UNC5D: variants seen among roughly 807,000 people sequenced by gnomAD.
UNC5D encodes the protein unc-5 netrin receptor D, also known as netrin receptor UNC5D.
In UNC5D, 39 loss-of-function variants were observed where a neutral mutation model predicts 105.4. The ratio of observed to expected loss-of-function variants is 0.37; its 90% CI spans 0.29 to 0.48. UNC5D has a LOEUF of 0.48. Ranked by LOEUF, UNC5D falls within the 20% of genes least tolerant of loss-of-function variation. The probability of loss-of-function intolerance (pLI) is 0.98; values close to 1 mark genes in which losing one functional copy is unlikely to be tolerated. For synonymous variants in UNC5D, 452 were observed against 450.4 expected, an observed-to-expected ratio of 1.00 and a Z score of -0.04; for missense variants, 991 against 1,202.4, an observed-to-expected ratio of 0.82 and a Z score of 2.60.
At chr8:35,533,883 C>T (rs994731484) in intron 1 of UNC5D, among the ~76,000 whole-genome samples, 1 of 152,118 alleles carries the variant, frequency 6.6e-6, no homozygotes, top group African/African-American at 2.4e-5. Context: ...CCAAGTGAGG[C>T]AATGCCTCGC....
At chr8:35,244,956 CAGTG>C (rs1803001000) in intron 1 of UNC5D, among the ~76,000 whole-genome samples, 2 of 152,052 alleles carry the variant, frequency 1.3e-5, no homozygotes, top group Admixed American at 1.3e-4. Flanking sequence ...TTTGAGGTGA[CAGTG>C]AGCCATAATC....
intron 4 of UNC5D, among the ~76,000 whole-genome samples, chr8:35,597,567 C>T (rs1819566319): frequency 6.6e-6 from 1 of 152,146 alleles, no homozygotes; most frequent in Non-Finnish European, 1.5e-5. Context: ...TGAGTGTCCC[C>T]TGGTACACCC....
At chr8:35,238,561 C>T (rs1802610149) in intron 1 of UNC5D, among the ~76,000 whole-genome samples, 1 of 152,132 alleles carries the variant, frequency 6.6e-6, no homozygotes, top group Non-Finnish European at 1.5e-5. Flanking sequence ...TAACTGAATC[C>T]ACATCATGTT....
chr8:35,300,783 G>A (rs192527979), intron 1 of UNC5D, among the ~76,000 whole-genome samples: 64 of 152,230 alleles, frequency 4.2e-4, no homozygotes, highest in African/African-American at 1.4e-3. Flanking sequence ...CTTGGATTGA[G>A]GAAATAGTAT....
intron 1 of UNC5D, among the ~76,000 whole-genome samples, chr8:35,373,254 T>C (rs1041793899): frequency 6.6e-6 from 1 of 152,156 alleles, no homozygotes; most frequent in Non-Finnish European, 1.5e-5. Flanking sequence ...CAAATAAGAG[T>C]GCACAGTGAA....
intron 7 of UNC5D, among the ~76,000 whole-genome samples, chr8:35,704,655 G>A (rs1193175705): frequency 6.6e-6 from 1 of 152,132 alleles, no homozygotes; most frequent in Non-Finnish European, 1.5e-5. Context: ...AAGGACTAAT[G>A]AGAAGGAGGA....
intron 1 of UNC5D, among the ~76,000 whole-genome samples, chr8:35,277,522 C>T (rs959756174): frequency 3.9e-5 from 6 of 152,132 alleles, no homozygotes; most frequent in Non-Finnish European, 7.3e-5. Context: ...TTTTAATCTT[C>T]ATCTCTTTAT....
intron 13 of UNC5D, among the ~76,000 whole-genome samples, chr8:35,756,615 AAG>A (rs1830533373): frequency 6.6e-6 from 1 of 152,048 alleles, no homozygotes; most frequent in Non-Finnish European, 1.5e-5. Context: ...AGGGAAATCT[AAG>A]AGAAAAAACA....
intron 10 of UNC5D, among the ~76,000 whole-genome samples, chr8:35,728,755 C>G (rs1829029066): frequency 6.6e-6 from 1 of 152,190 alleles, no homozygotes; most frequent in African/African-American, 2.4e-5. Context: ...TCTCCACACT[C>G]TAGAAATTAT....
At chr8:35,672,310 G>C (rs545795538) in intron 4 of UNC5D, among the ~76,000 whole-genome samples, 1 of 152,132 alleles carries the variant, frequency 6.6e-6, no homozygotes, top group East Asian at 1.9e-4. Flanking sequence ...ACATACCTCA[G>C]ATAATGGAGG....
At chr8:35,527,989 A>G (rs569009020) in intron 1 of UNC5D, among the ~76,000 whole-genome samples, 6 of 151,650 alleles carry the variant, frequency 4.0e-5, no homozygotes, top group African/African-American at 1.2e-4. Flanking sequence ...TACAATATTT[A>G]ATCATTAACA....
intron 3 of UNC5D, among the ~76,000 whole-genome samples, chr8:35,570,093 G>A (rs1425762714): frequency 6.6e-6 from 1 of 152,204 alleles, no homozygotes; most frequent in African/African-American, 2.4e-5. Context: ...ACAAAATGTT[G>A]CAAAGACTGG....
intron 1 of UNC5D, among the ~76,000 whole-genome samples, chr8:35,247,551 AAT>A (rs1211844646): frequency 1.2e-4 from 14 of 119,278 alleles, no homozygotes; most frequent in African/African-American, 4.6e-4. Flanking sequence ...AAATATATAA[AAT>A]ATATATAATA....
chr8:35,361,768 GC>G (rs1801867063), intron 1 of UNC5D, among the ~76,000 whole-genome samples: 1 of 152,122 alleles, frequency 6.6e-6, no homozygotes, highest in Admixed American at 6.5e-5. Context: ...CTTAGCAACA[GC>G]TTTAACTGGC....
chr8:35,476,871 T>C (rs1810140409), intron 1 of UNC5D, among the ~76,000 whole-genome samples: 1 of 152,232 alleles, frequency 6.6e-6, no homozygotes, highest in Non-Finnish European at 1.5e-5. Context: ...TTGGACGTTG[T>C]ACTGTGATGC....
intron 1 of UNC5D, among the ~76,000 whole-genome samples, chr8:35,464,033 T>C (rs1223699630): frequency 2.0e-5 from 3 of 152,116 alleles, no homozygotes; most frequent in Non-Finnish European, 1.5e-5. Flanking sequence ...ACTTATGTAT[T>C]AGAAAACAGT....
In UNC5D at chr8:35,319,366, C is replaced by T. The variant is rs369041375; in HGVS notation, c.103+83479C>T. On this transcript the variant is annotated intron_variant, in intron 1 of 16. Transcript: ENST00000404895. ...AGAAATAGACCACATTTTGCTTTTACTGTTGCATGAAGAACAGCCAAGATT... is the reference window on the plus strand; with the variant it reads ...AGAAATAGACCACATTTTGCTTTTATTGTTGCATGAAGAACAGCCAAGATT... Among the ~76,000 whole-genome samples the T allele has an allele frequency of 7.9e-5, 12 of 152,178 alleles. No homozygotes were observed. In the East Asian group the frequency reaches 2.3e-3, roughly 29 times the overall value.
At chr8:35,597,962 A>G (rs1213184373) in intron 4 of UNC5D, among the ~76,000 whole-genome samples, 1 of 152,114 alleles carries the variant, frequency 6.6e-6, no homozygotes, top group Non-Finnish European at 1.5e-5. Flanking sequence ...ACTGCGCTAC[A>G]GTCACCCTGG....
At chr8:35,637,768 C>T (rs1822473480) in intron 4 of UNC5D, among the ~76,000 whole-genome samples, 1 of 152,124 alleles carries the variant, frequency 6.6e-6, no homozygotes. Flanking sequence ...ATGGGGTGCT[C>T]CATTTCCAAA....
Sources: allele counts gnomAD v4.1 joint callset (sites outside exome capture counted in the v4.1 genomes callset), GRCh38; gene constraint gnomAD v4.1.1; transcripts MANE v1.5; gene names NCBI Gene and HGNC (gene_info 2026-07-23, HGNC 2026-07-21).